AGBL4: variants seen among roughly 807,000 people sequenced by gnomAD.
AGBL4 encodes the protein cytosolic carboxypeptidase 6.
In AGBL4, 58 loss-of-function variants were observed where a neutral mutation model predicts 66.4. That is an observed-to-expected ratio of 0.87 (90% CI 0.71 to 1.09). The LOEUF (loss-of-function observed/expected upper bound fraction) is 1.09, where lower values mean the gene tolerates loss of function less well. Among genes scored for constraint, AGBL4 ranks in the 50% least tolerant of loss-of-function variants. The pLI, the probability that AGBL4 is intolerant of heterozygous loss-of-function variation, is 0.00. For synonymous variants in AGBL4, 234 were observed against 222.9 expected (o/e 1.05, Z -0.44); for missense variants, 579 against 631.0 (o/e 0.92, Z 0.88).
intron 3 of AGBL4, among the ~76,000 whole-genome samples, chr1:49,587,974 C>A (rs956914669): frequency 2.0e-5 from 3 of 152,112 alleles, no homozygotes; most frequent in Admixed American, 6.6e-5. Context: ...CAGGCCACAT[C>A]ATTTCCTTCT....
intron 3 of AGBL4, among the ~76,000 whole-genome samples, chr1:49,473,310 G>A (rs967737521): frequency 9.2e-5 from 14 of 152,056 alleles, no homozygotes; most frequent in Admixed American, 8.5e-4. Context: ...CATCTGTTAT[G>A]TTTTGACTTT....
intron 3 of AGBL4, among the ~76,000 whole-genome samples, chr1:49,564,170 T>C (rs1459250365): frequency 1.3e-5 from 2 of 152,194 alleles, no homozygotes; most frequent in Admixed American, 1.3e-4. Context: ...CTTTGTCATT[T>C]TTTATTGCGT....
At chr1:49,383,592 C>T (rs1344745101) in intron 3 of AGBL4, among the ~76,000 whole-genome samples, 1 of 151,892 alleles carries the variant, frequency 6.6e-6, no homozygotes, top group Non-Finnish European at 1.5e-5. Flanking sequence ...TGTATATCCA[C>T]ATGTAAAAAA....
intron 2 of AGBL4, among the ~76,000 whole-genome samples, chr1:49,820,050 C>T (rs1383261091): frequency 6.6e-6 from 1 of 152,140 alleles, no homozygotes; most frequent in Admixed American, 6.5e-5. Context: ...TCATGTCCTG[C>T]TTGTGTGAGA....
At chr1:49,579,701 G>A (rs748785096) in intron 3 of AGBL4, among the ~76,000 whole-genome samples, 19 of 152,104 alleles carry the variant, frequency 1.2e-4, no homozygotes, top group Admixed American at 4.6e-4. Context: ...GGGTTTCACC[G>A]TGTTGGCCAG....
intron 4 of AGBL4, among the ~76,000 whole-genome samples, chr1:49,088,850 G>A (rs1644952929): frequency 6.6e-6 from 1 of 151,776 alleles, no homozygotes; most frequent in African/African-American, 2.4e-5. Context: ...TCACAATTTG[G>A]CATAAAATAA....
intron 1 of AGBL4, among the ~76,000 whole-genome samples, chr1:49,873,190 G>A (rs989491982): frequency 2.0e-5 from 3 of 151,634 alleles, no homozygotes; most frequent in Non-Finnish European, 4.4e-5. Context: ...CTCCCTTTTT[G>A]TTTGCTTGTT....
chr1:48,984,001 G>A (rs190734691), intron 5 of AGBL4, among the ~76,000 whole-genome samples: 13 of 152,250 alleles, frequency 8.5e-5, no homozygotes, highest in Admixed American at 8.5e-4. Context: ...TTAGGACTCT[G>A]TTATAGGTAA....
At chr1:49,714,208 TATTTTAAA>T (rs1216323106) in intron 2 of AGBL4, among the ~76,000 whole-genome samples, 1 of 152,008 alleles carries the variant, frequency 6.6e-6, no homozygotes, top group Non-Finnish European at 1.5e-5. Context: ...GATTGCCTGA[TATTTTAAA>T]ATAGATTTTA....
At chr1:49,618,929 T>TA (rs1159720547) in intron 3 of AGBL4, among the ~76,000 whole-genome samples, 2 of 152,202 alleles carry the variant, frequency 1.3e-5, no homozygotes, top group Admixed American at 1.3e-4. Context: ...CGCTTCATGC[T>TA]AAAAATTCTC....
intron 6 of AGBL4, among the ~76,000 whole-genome samples, chr1:48,712,372 T>C (rs1198766118): frequency 6.6e-6 from 1 of 152,176 alleles, no homozygotes; most frequent in Non-Finnish European, 1.5e-5. Flanking sequence ...CCCCACTCTT[T>C]GCTGCTTTTT....
chr1:49,325,332 T>G (rs533207506), intron 3 of AGBL4, among the ~76,000 whole-genome samples: 3 of 152,192 alleles, frequency 2.0e-5, no homozygotes, highest in African/African-American at 4.8e-5. Flanking sequence ...AGTACAAAAA[T>G]CTTTAGTGGC....
chr1:48,753,780 G>C (rs979124746), intron 6 of AGBL4, among the ~76,000 whole-genome samples: 7 of 152,120 alleles, frequency 4.6e-5, no homozygotes, highest in Non-Finnish European at 7.3e-5. Context: ...AAAATGTCAA[G>C]GTGCTTTAAA....
chr1:49,727,623 G>A lies in AGBL4; in HGVS notation c.158-30186C>T, dbSNP rs76685783. Among the ~76,000 whole-genome samples, 815 of 152,138 alleles carry A rather than the reference G, an allele frequency of 5.4e-3. 3 individuals are homozygous for A. The highest frequency in any genetic ancestry group is 0.017 in the Middle Eastern group (5 of 292). ...GCAGCTTAGGTGGAAACAATATAAC[G>A]TATCTACCAAATACAAGAACTGCTG... On this transcript the variant is annotated intron_variant, in intron 2 of 13. Transcript: ENST00000371839.
rs557549083 is a variant in AGBL4 at position 48,674,737 on chromosome 1, T to A, written c.635-11496A>T. On this transcript the variant is annotated intron_variant, in intron 6 of 13. Transcript: ENST00000371839. Reference sequence around the variant, plus strand: ...TAGATGAATTAAAATAAAGTACTAATAACGGTGCTTGTCACATGGTAAGTC... The same window carrying A: ...TAGATGAATTAAAATAAAGTACTAAAAACGGTGCTTGTCACATGGTAAGTC... Among the ~76,000 whole-genome samples the A allele has an allele frequency of 3.9e-5, 6 of 152,276 alleles. No individual in the cohort carries two copies. The East Asian group carries it at 9.7e-4, about 25-fold the overall frequency.
intron 11 of AGBL4, among the ~76,000 whole-genome samples, chr1:48,574,537 CTTTT>C (rs780333770): frequency 4.8e-5 from 6 of 124,046 alleles, no homozygotes; most frequent in Non-Finnish European, 7.1e-5. Flanking sequence ...CTTTTCTTTT[CTTTT>C]TTTTTTTTTT....
At chr1:49,507,130 A>G (rs1452063410) in intron 3 of AGBL4, among the ~76,000 whole-genome samples, 4 of 152,048 alleles carry the variant, frequency 2.6e-5, no homozygotes, top group African/African-American at 7.2e-5. Flanking sequence ...ATCCTGCTAG[A>G]GAGATCATAT....
At chr1:49,581,014 T>A (rs1293831651) in intron 3 of AGBL4, among the ~76,000 whole-genome samples, 1 of 152,220 alleles carries the variant, frequency 6.6e-6, no homozygotes, top group Non-Finnish European at 1.5e-5. Context: ...TTGATTGCTT[T>A]ATGCAGTCAC....
intron 3 of AGBL4, among the ~76,000 whole-genome samples, chr1:49,654,006 C>G (rs1646064397): frequency 6.6e-6 from 1 of 151,954 alleles, no homozygotes; most frequent in African/African-American, 2.4e-5. Flanking sequence ...AAGACCAACC[C>G]CAAGACACAT....
Sources: allele counts gnomAD v4.1 joint callset (sites outside exome capture counted in the v4.1 genomes callset), GRCh38; gene constraint gnomAD v4.1.1; transcripts MANE v1.5; gene names NCBI Gene and HGNC (gene_info 2026-07-23, HGNC 2026-07-21).